DNAH5: variants seen among roughly 807,000 people sequenced by gnomAD.
The protein encoded by DNAH5 is axonemal beta dynein heavy chain 5.
Under a neutral mutation model 518.2 loss-of-function variants are expected in DNAH5, and 372 were observed. That is an observed-to-expected ratio of 0.72 (90% CI 0.66 to 0.78). The LOEUF (loss-of-function observed/expected upper bound fraction) is 0.78, where lower values mean the gene tolerates loss of function less well. Ranked by LOEUF, DNAH5 falls within the 30% of genes least tolerant of loss-of-function variation. The pLI is 0.00. For synonymous variants in DNAH5, 2,039 were observed against 2,025.9 expected, an observed-to-expected ratio of 1.01 and a Z score of -0.17; for missense variants, 5,523 against 5,687.0, an observed-to-expected ratio of 0.97 and a Z score of 0.93.
Position 13,753,235 on chromosome 5 carries a change from G to C in DNAH5, c.10870C>G (p.Gln3624Glu). 6.2e-7 allele frequency: 1 copy of C among 1,611,440 alleles called. No homozygotes were observed. Among genetic ancestry groups the C allele is most frequent in the Non-Finnish European group, 8.5e-7 (1 of 1,177,774 alleles). ...IKNKESRNEL[Q>E]ITSLNHKYFR... ...AAACATACTAAAACACAAATTACCT[G>C]GAGTTCATTTCGGCTTTCTTTATTT... The change falls in exon 63 of 79, where the codon CAG (glutamine) becomes GAG (glutamate). Residue 3624 changes from glutamine to glutamate, a missense_variant and splice_region_variant. By Grantham distance (29) the Gln-to-Glu change is conservative (BLOSUM62 2). Transcript: ENST00000265104.
intron 47 of DNAH5, among the ~76,000 whole-genome samples, chr5:13,806,843 C>T (rs1422084231): frequency 6.6e-6 from 1 of 151,744 alleles, no homozygotes; most frequent in African/African-American, 2.4e-5. Context: ...TTTTTTTTCT[C>T]TCACACTTCT....
At position 13,810,136 on chromosome 5, in the gene DNAH5, C is replaced by T. The variant is rs1391746135; in HGVS notation, c.7532G>A (p.Arg2511Gln). 3.9e-6 allele frequency: 6 copies of T among 1,549,462 alleles called. No individual in the cohort carries two copies. Among genetic ancestry groups the T allele is most frequent in the African/African-American group, 2.7e-5 (2 of 73,160 alleles). ...CGGCAGCTCCAGCGTCCCTGTGGGC[C>T]GAGAGCGCAGCCAGAGCTCCAGGCG... ...RRRLELWLRS[R>Q]PTGTLELPPP... The change falls in exon 45 of 79, where the codon CGG (arginine) becomes CAG (glutamine). Residue 2511 changes from arginine to glutamine, a missense_variant. Around this residue, in one of 3 missense-constraint regions of DNAH5, gnomAD observed 5,121 missense variants for 5,223.3 expected, o/e 0.98. Transcript: ENST00000265104.
intron 1 of DNAH5, among the ~76,000 whole-genome samples, chr5:13,985,463 A>G (rs1011612008): frequency 4.1e-5 from 5 of 121,640 alleles, no homozygotes; most frequent in Admixed American, 8.3e-5. Context: ...ATATATATAT[A>G]TATAAAGCAA....
chr5:13,939,134 T>C (rs998206955), intron 1 of DNAH5, among the ~76,000 whole-genome samples: 2 of 152,168 alleles, frequency 1.3e-5, no homozygotes, highest in Non-Finnish European at 2.9e-5. Flanking sequence ...AGGGATGTTT[T>C]CCATTTTGAT....
chr5:13,727,454 A>G lies in DNAH5; in HGVS notation c.12033+53T>C, dbSNP rs374316484. On this transcript the variant is annotated intron_variant, in intron 70 of 78. Transcript: ENST00000265104. ...AAAATATTTTTTTTAATTTAAAAGA[A>G]AATTCTCTTTAAAAATATTCTCTCA... The G allele has an allele frequency of 1.5e-4, 221 of 1,508,110 alleles. 2 individuals are homozygous for G. The South Asian group carries it at 2.7e-3, about 18-fold the overall frequency. 93.4% of individuals were successfully genotyped at this position (1,508,110 alleles called of 1,614,324 possible). A position where few individuals can be genotyped will look rare whatever the true frequency, so the allele number is the denominator to read the frequency against.
chr5:13,852,190 G>A (rs1312843821), intron 30 of DNAH5, among the ~76,000 whole-genome samples: 2 of 152,040 alleles, frequency 1.3e-5, no homozygotes, highest in Non-Finnish European at 2.9e-5. Context: ...TTTCTGTGAT[G>A]GAGTTTCGCT....
chr5:13,741,021 G>A (rs1192952248), intron 65 of DNAH5, among the ~76,000 whole-genome samples: 1 of 152,174 alleles, frequency 6.6e-6, no homozygotes, highest in East Asian at 1.9e-4. Flanking sequence ...CATTAACACT[G>A]CAGATTGAAT....
intron 1 of DNAH5, among the ~76,000 whole-genome samples, chr5:13,938,014 T>C (rs1779105037): frequency 6.6e-6 from 1 of 152,178 alleles, no homozygotes; most frequent in African/African-American, 2.4e-5. Flanking sequence ...AAATGTTAAA[T>C]GGATAATTCC....
chr5:13,977,922 G>A (rs1782387284), intron 1 of DNAH5, among the ~76,000 whole-genome samples: 1 of 152,120 alleles, frequency 6.6e-6, no homozygotes, highest in East Asian at 1.9e-4. Context: ...GAGAGAAAGA[G>A]AGGCGACTCT....
intron 1 of DNAH5, among the ~76,000 whole-genome samples, chr5:13,957,115 T>C (rs1780812388): frequency 6.6e-6 from 1 of 152,202 alleles, no homozygotes; most frequent in Non-Finnish European, 1.5e-5. Context: ...AACCTTATGT[T>C]CAGAGGTTAA....
At chr5:13,926,058 T>A (rs1466797464) in intron 3 of DNAH5, among the ~76,000 whole-genome samples, 1 of 152,130 alleles carries the variant, frequency 6.6e-6, no homozygotes, top group African/African-American at 2.4e-5. Context: ...CAGTGCTCAA[T>A]AAGGCAGATA....
At chr5:13,773,315 CAA>C (rs1208332191) in intron 55 of DNAH5, among the ~76,000 whole-genome samples, 1 of 151,820 alleles carries the variant, frequency 6.6e-6, no homozygotes, top group African/African-American at 2.4e-5. Context: ...TCAAATATTC[CAA>C]AGAGAACAAA....
intron 1 of DNAH5, among the ~76,000 whole-genome samples, chr5:13,983,191 T>C (rs1001119366): frequency 6.6e-6 from 1 of 152,188 alleles, no homozygotes; most frequent in Non-Finnish European, 1.5e-5. Context: ...GCTGCCTCCA[T>C]GCTGGATGAA....
intron 27 of DNAH5, 39 bp from the exon 28 acceptor site, chr5:13,864,676 G>T (rs369921896): frequency 6.2e-7 from 1 of 1,612,378 alleles, no homozygotes; most frequent in Non-Finnish European, 8.5e-7. Context: ...ATTGAAATAT[G>T]ATGGTAGACA....
intron 22 of DNAH5, among the ~76,000 whole-genome samples, chr5:13,872,889 A>G (rs1441219412): frequency 6.8e-6 from 1 of 147,640 alleles, no homozygotes; most frequent in African/African-American, 2.5e-5. Context: ...AGTTAGTGCT[A>G]AAAAAAAAAG....
rs543407031 is a variant in DNAH5, at chr5:13,761,945, T to C, written c.10281+777A>G. On this transcript the variant is annotated intron_variant, in intron 60 of 78. Transcript: ENST00000265104. ...ATACTCTTGATTATTTGTATGATGA[T>C]TGTTAAGTTTCTTGGGTAGTTAACA... Among the ~76,000 whole-genome samples the C allele has an allele frequency of 3.3e-5, 5 of 152,336 alleles. No homozygotes were observed. The East Asian group carries it at 7.7e-4, about 23-fold the overall frequency.
rs141477682 is a variant in DNAH5, at chr5:13,934,447, A to C, written c.58-3203T>G. On this transcript the variant is annotated intron_variant, in intron 1 of 78. Coordinates refer to ENST00000265104, the MANE Select transcript of DNAH5 (RefSeq NM_001369.3). ...ATGGTTTGTAACGCAAAAATAAATAATAGAGTAATTTTGTTAGAATAATTT... is the reference window on the plus strand; with the variant it reads ...ATGGTTTGTAACGCAAAAATAAATACTAGAGTAATTTTGTTAGAATAATTT... 2.7e-3 allele frequency among the ~76,000 whole-genome samples: 410 copies of C among 152,304 alleles called. 2 individuals are homozygous for C. Among genetic ancestry groups the C allele is most frequent in the African/African-American group, 9.7e-3 (402 of 41,562 alleles).
chr5:13,813,152 C>A (rs554868558), intron 43 of DNAH5, among the ~76,000 whole-genome samples: 3 of 152,124 alleles, frequency 2.0e-5, no homozygotes, highest in African/African-American at 4.8e-5. Context: ...CTTTTCCTAA[C>A]AATTTCCAAA....
intron 58 of DNAH5, among the ~76,000 whole-genome samples, chr5:13,767,106 GTA>G (rs745481880): frequency 1.3e-5 from 2 of 151,802 alleles, no homozygotes; most frequent in African/African-American, 4.8e-5. Flanking sequence ...GAAAAGGTTT[GTA>G]TATATATATA....
Sources: allele counts gnomAD v4.1 joint callset (sites outside exome capture counted in the v4.1 genomes callset), GRCh38; gene constraint gnomAD v4.1.1; regional missense constraint gnomAD v4.1.1; transcripts MANE v1.5; gene names NCBI Gene and HGNC (gene_info 2026-07-23, HGNC 2026-07-21).